Variants in LPAR3 observed in about 807,000 individuals in gnomAD.
The protein encoded by LPAR3 is lysophosphatidic acid receptor 3, also known as LPA receptor 3.
A neutral mutation model predicts 17.8 loss-of-function variants in LPAR3; 7 were observed. The observed-to-expected ratio is 0.39, with a 90% CI of 0.22 to 0.74. The LOEUF (loss-of-function observed/expected upper bound fraction) is 0.74. LPAR3 is among the 30% of genes least tolerant of loss of function. LPAR3 has a pLI of 0.40. For synonymous variants in LPAR3, 179 were observed against 179.9 expected, an observed-to-expected ratio of 0.99 and a Z score of 0.04; for missense variants, 391 against 453.4, an observed-to-expected ratio of 0.86 and a Z score of 1.25.
chr1:84,842,515 A>T (rs115590628), intron 2 of LPAR3, among the ~76,000 whole-genome samples: 2,355 of 152,366 alleles, frequency 0.015, 37 homozygotes, highest in Middle Eastern at 0.034. Flanking sequence ...ATAGGTTTGA[A>T]AAGATGTTTT....
At chr1:84,885,937 A>C (rs1434713691) in intron 1 of LPAR3, among the ~76,000 whole-genome samples, 1 of 152,222 alleles carries the variant, frequency 6.6e-6, no homozygotes, top group Non-Finnish European at 1.5e-5. Context: ...TGTAGGTATA[A>C]GTATGAATCA....
At chr1:84,885,511 G>C (rs557461199) in intron 1 of LPAR3, among the ~76,000 whole-genome samples, 1 of 152,314 alleles carries the variant, frequency 6.6e-6, no homozygotes, top group African/African-American at 2.4e-5. Context: ...ATTCCTCTTT[G>C]CTTTCCTTCC....
At chr1:84,826,027 G>A (rs1659147294) in intron 2 of LPAR3, among the ~76,000 whole-genome samples, 1 of 152,038 alleles carries the variant, frequency 6.6e-6, no homozygotes, top group Non-Finnish European at 1.5e-5. Flanking sequence ...TGCTGGGTGT[G>A]CACTAGAGAA....
intron 2 of LPAR3, among the ~76,000 whole-genome samples, chr1:84,825,840 G>A (rs1161964973): frequency 2.0e-5 from 3 of 152,294 alleles, no homozygotes; most frequent in Non-Finnish European, 2.9e-5. Flanking sequence ...CTCAATCCCC[G>A]CTTACTGTGG....
At chr1:84,828,751 T>C (rs1359607) in intron 2 of LPAR3, among the ~76,000 whole-genome samples, 21,829 of 152,196 alleles carry the variant, frequency 0.14, 1,732 homozygotes, top group Middle Eastern at 0.21. Context: ...ATTCTGCTTC[T>C]TGCAGAATTT....
At chr1:84,846,794 T>C (rs1416688274) in intron 2 of LPAR3, among the ~76,000 whole-genome samples, 1 of 152,108 alleles carries the variant, frequency 6.6e-6, no homozygotes, top group Non-Finnish European at 1.5e-5. Context: ...ATAGTTTATT[T>C]CTAATAACTA....
At chr1:84,858,100 C>A (rs1659862573) in intron 2 of LPAR3, among the ~76,000 whole-genome samples, 1 of 151,996 alleles carries the variant, frequency 6.6e-6, no homozygotes, top group African/African-American at 2.4e-5. Flanking sequence ...AAGAAGCATT[C>A]AAAAAATGCT....
chr1:84,850,698 A>G (rs556975960), intron 2 of LPAR3, among the ~76,000 whole-genome samples: 1 of 152,378 alleles, frequency 6.6e-6, no homozygotes, highest in East Asian at 1.9e-4. Flanking sequence ...GGTCACTCAC[A>G]GAAGTCAATT....
intron 2 of LPAR3, among the ~76,000 whole-genome samples, chr1:84,840,303 A>G (rs893714405): frequency 3.3e-5 from 5 of 152,218 alleles, no homozygotes; most frequent in Non-Finnish European, 2.9e-5. Context: ...CATTAACGCA[A>G]TTTCACAGGC....
intron 1 of LPAR3, among the ~76,000 whole-genome samples, chr1:84,885,501 A>G (rs61682982): frequency 0.11 from 16,053 of 152,174 alleles, 1,340 homozygotes; most frequent in African/African-American, 0.23. Flanking sequence ...TATATACACT[A>G]TTCCTCTTTG....
At chr1:84,858,472 C>T (rs560805074) in intron 2 of LPAR3, among the ~76,000 whole-genome samples, 53 of 112,120 alleles carry the variant, frequency 4.7e-4, no homozygotes, top group Middle Eastern at 5.2e-3. Flanking sequence ...GGCGACAGGG[C>T]GAGACTGTCT....
chr1:84,872,588 G>A (rs1182523707), intron 1 of LPAR3, among the ~76,000 whole-genome samples: 1 of 152,108 alleles, frequency 6.6e-6, no homozygotes, highest in African/African-American at 2.4e-5. Context: ...ACATCCATGA[G>A]TCCATACTGA....
chr1:84,854,672 T>C (rs967912784), intron 2 of LPAR3, among the ~76,000 whole-genome samples: 11 of 152,098 alleles, frequency 7.2e-5, no homozygotes, highest in Non-Finnish European at 1.2e-4. Context: ...CCTAGCAAGG[T>C]AGTCAATAAA....
intron 1 of LPAR3, among the ~76,000 whole-genome samples, chr1:84,872,983 G>T (rs1286679752): frequency 6.6e-6 from 1 of 152,164 alleles, no homozygotes; most frequent in Non-Finnish European, 1.5e-5. Flanking sequence ...GGCTAATCAT[G>T]AGAAAAACAT....
chr1:84,861,371 A>G (rs9324143), intron 2 of LPAR3, among the ~76,000 whole-genome samples: 2 of 151,962 alleles, frequency 1.3e-5, no homozygotes, highest in African/African-American at 4.8e-5. Flanking sequence ...ATCCACAGAA[A>G]TGTTTGGTGC....
rs572956150 is a variant in LPAR3, at chr1:84,820,845, T to C, written c.737-6674A>G. 2.9e-4 allele frequency among the ~76,000 whole-genome samples: 44 copies of C among 152,280 alleles called. 1 individual carries two copies. Among genetic ancestry groups the C allele is most frequent in the African/African-American group, 1.0e-3 (43 of 41,550 alleles). On this transcript the variant is annotated intron_variant, in intron 2 of 2. Coordinates refer to ENST00000370611, the MANE Select transcript of LPAR3 (RefSeq NM_012152.3). ...TCCTTGGTTCATAAAGGAACCCCAC[T>C]GAGAATTGCTAGATCAAAGTTTTTC...
chr1:84,879,811 T>A (rs1660330507), intron 1 of LPAR3, among the ~76,000 whole-genome samples: 2 of 152,140 alleles, frequency 1.3e-5, no homozygotes. Context: ...CCCTCCTCCA[T>A]GCTCCTTTCC....
chr1:84,827,379 G>A (rs181150674), intron 2 of LPAR3, among the ~76,000 whole-genome samples: 2 of 152,124 alleles, frequency 1.3e-5, no homozygotes, highest in Admixed American at 1.3e-4. Flanking sequence ...TATGGGGGTA[G>A]GGGTTGTTAA....
chr1:84,823,169 T>G (rs1659089182), intron 2 of LPAR3, among the ~76,000 whole-genome samples: 1 of 152,210 alleles, frequency 6.6e-6, no homozygotes, highest in Non-Finnish European at 1.5e-5. Context: ...AATTTCAAAG[T>G]AAGCATCTAC....
Sources: gnomAD v4.1 joint callset for allele counts (sites outside exome capture counted in the v4.1 genomes callset) on GRCh38, gnomAD v4.1.1 for gene constraint, MANE v1.5 for transcripts, NCBI Gene and HGNC (gene_info 2026-07-23, HGNC 2026-07-21) for gene names.